The following TECRL variants were observed in gnomAD, a reference collection of about 807,000 sequenced individuals.
The protein encoded by TECRL is trans-2,3-enoyl-CoA reductase like, also known as trans-2,3-enoyl-CoA reductase-like.
A neutral mutation model predicts 52.8 loss-of-function variants in TECRL; 63 were observed. The observed-to-expected ratio is 1.19, with a 90% CI of 0.97 to 1.47. The LOEUF is 1.47. Ranked by LOEUF, TECRL falls within the 40% of genes most tolerant of loss-of-function variation. The pLI is 0.00. For missense variants in TECRL, 482 were observed against 429.6 expected (o/e 1.12, Z -1.08); for synonymous variants, 164 against 141.9 (o/e 1.16, Z -1.10).
intron 1 of TECRL, 93 bp downstream of exon 1, chr4:64,409,025 G>T: frequency 1.8e-6 from 2 of 1,124,042 alleles, no homozygotes; most frequent in Non-Finnish European, 2.5e-6. Flanking sequence ...TTTCAGAACA[G>T]TCGTGTTAGA....
At chr4:64,337,275 C>G (rs1252583302) in intron 2 of TECRL, among the ~76,000 whole-genome samples, 1 of 152,064 alleles carries the variant, frequency 6.6e-6, no homozygotes, top group East Asian at 1.9e-4. Context: ...TGGGACGTAT[C>G]TCAAAATAAT....
At chr4:64,289,024 G>T (rs537347615) in intron 9 of TECRL, among the ~76,000 whole-genome samples, 1 of 151,884 alleles carries the variant, frequency 6.6e-6, no homozygotes, top group South Asian at 2.1e-4. Flanking sequence ...CGATCAGCAG[G>T]GGGTAGAAAA....
intron 8 of TECRL, among the ~76,000 whole-genome samples, chr4:64,294,507 G>A (rs1274321219): frequency 2.0e-5 from 3 of 152,012 alleles, no homozygotes; most frequent in East Asian, 1.9e-4. Context: ...AAAATATGCC[G>A]TAATAGGTAC....
intron 2 of TECRL, among the ~76,000 whole-genome samples, chr4:64,333,088 A>G (rs1718763393): frequency 6.6e-6 from 1 of 152,060 alleles, no homozygotes. Context: ...GACAAGATCT[A>G]TATACTGAAT....
intron 2 of TECRL, among the ~76,000 whole-genome samples, chr4:64,344,111 G>A (rs1560515203): frequency 6.6e-6 from 1 of 151,960 alleles, no homozygotes; most frequent in Admixed American, 6.6e-5. Flanking sequence ...TCAATTGTCA[G>A]CATTTAGAAG....
At chr4:64,370,566 A>T (rs1721908674) in intron 2 of TECRL, among the ~76,000 whole-genome samples, 1 of 151,832 alleles carries the variant, frequency 6.6e-6, no homozygotes, top group Non-Finnish European at 1.5e-5. Flanking sequence ...TTTGACTAAT[A>T]TGTTACTAGT....
At chr4:64,402,274 T>A (rs1209860005) in intron 1 of TECRL, among the ~76,000 whole-genome samples, 1 of 152,112 alleles carries the variant, frequency 6.6e-6, no homozygotes, top group Admixed American at 6.6e-5. Flanking sequence ...TAATTTTTTT[T>A]AAACTTCTAT....
At chr4:64,364,149 C>G (rs1577939426) in intron 2 of TECRL, among the ~76,000 whole-genome samples, 1 of 151,878 alleles carries the variant, frequency 6.6e-6, no homozygotes, top group African/African-American at 2.4e-5. Context: ...ACAATCTGCT[C>G]CTGAATAACT....
intron 9 of TECRL, among the ~76,000 whole-genome samples, chr4:64,287,676 A>G (rs1237147860): frequency 2.6e-5 from 4 of 152,202 alleles, no homozygotes; most frequent in Non-Finnish European, 5.9e-5. Flanking sequence ...TTGCTGTTTT[A>G]TAATGGAATA....
chr4:64,342,515 A>T (rs1577904314), intron 2 of TECRL, among the ~76,000 whole-genome samples: 1 of 151,938 alleles, frequency 6.6e-6, no homozygotes, highest in Admixed American at 6.6e-5. Flanking sequence ...ACTGTTACTT[A>T]TAATCCTTTC....
At chr4:64,310,130 G>T (rs1011259832) in intron 5 of TECRL, among the ~76,000 whole-genome samples, 199 bp from the exon 6 acceptor site, 1 of 152,058 alleles carries the variant, frequency 6.6e-6, no homozygotes, top group Admixed American at 6.6e-5. Context: ...GCTGTTATAA[G>T]AGTCTCTATA....
intron 1 of TECRL, among the ~76,000 whole-genome samples, chr4:64,395,592 C>CTTTT (rs1250159766): frequency 2.6e-5 from 4 of 152,206 alleles, no homozygotes; most frequent in African/African-American, 9.6e-5. Context: ...CAAACAAAAC[C>CTTTT]ATAAAAAGGG....
chr4:64,324,774 A>G (rs1172470473), intron 3 of TECRL, among the ~76,000 whole-genome samples: 1 of 152,060 alleles, frequency 6.6e-6, no homozygotes, highest in Non-Finnish European at 1.5e-5. Context: ...ATACATACAT[A>G]TATATACATA....
chr4:64,276,912 C>A, downstream of TECRL: 2 of 607,874 alleles, frequency 3.3e-6, no homozygotes, highest in South Asian at 5.7e-5. Context: ...CTCCTAAAAC[C>A]TGTAAATGAA....
intron 9 of TECRL, among the ~76,000 whole-genome samples, chr4:64,289,464 T>C (rs1162705875): frequency 1.3e-5 from 2 of 152,094 alleles, no homozygotes; most frequent in Non-Finnish European, 2.9e-5. Context: ...ATTTAAGTGA[T>C]ATTGTTGTTT....
intron 6 of TECRL, 118 bp from the exon 7 acceptor site, chr4:64,305,356 T>A (rs1348967505): frequency 1.3e-6 from 1 of 757,240 alleles, no homozygotes; most frequent in Non-Finnish European, 2.2e-6. Flanking sequence ...TACATTTATA[T>A]TAGACACTGC....
chr4:64,305,468 G>A (rs1271476765), intron 6 of TECRL, among the ~76,000 whole-genome samples: 2 of 152,162 alleles, frequency 1.3e-5, no homozygotes, highest in African/African-American at 4.8e-5. Flanking sequence ...GGGCTGGTTA[G>A]GCAGGCAGAG....
chr4:64,320,131 AAC>A (rs1300518660), intron 4 of TECRL, among the ~76,000 whole-genome samples: 17 of 151,886 alleles, frequency 1.1e-4, no homozygotes, highest in African/African-American at 3.6e-4. Context: ...TTAATTAATT[AAC>A]AGTCTTCATA....
intron 4 of TECRL, among the ~76,000 whole-genome samples, chr4:64,317,793 A>G (rs1717611594): frequency 6.6e-6 from 1 of 152,214 alleles, no homozygotes; most frequent in Admixed American, 6.5e-5. Flanking sequence ...TTCAGCCTTC[A>G]GAGATTTAAT....
Sources: gnomAD v4.1 joint callset for allele counts (sites outside exome capture counted in the v4.1 genomes callset) on GRCh38, gnomAD v4.1.1 for gene constraint, MANE v1.5 for transcripts, NCBI Gene and HGNC (gene_info 2026-07-23, HGNC 2026-07-21) for gene names.